The following SPAG11B variants were observed in gnomAD, a reference collection of about 807,000 sequenced individuals.
SPAG11B encodes sperm-associated antigen 11B.
SPAG11B carries 5 observed loss-of-function variants against 8.9 expected under a neutral mutation model. The observed-to-expected ratio is 0.56, with a 90% CI of 0.29 to 1.19. The LOEUF (loss-of-function observed/expected upper bound fraction) is 1.19, where lower values mean the gene tolerates loss of function less well. SPAG11B is among the 50% of genes most tolerant of loss of function. The pLI is 0.08. For missense variants in SPAG11B, 38 were observed against 146.4 expected (o/e 0.26, Z 3.82); for synonymous variants, 12 against 53.0 (o/e 0.23, Z 3.36).
rs1430820736 is a variant in SPAG11B, at chr8:7,453,036, T to G, written c.215-2136A>C. 8.2e-3 allele frequency among the ~76,000 whole-genome samples: 1,184 copies of G among 144,746 alleles called. 24 individuals are homozygous for G. The highest frequency in any genetic ancestry group is 0.031 in the African/African-American group (1,117 of 36,570). The allele number at this position is 144,746 out of a possible 152,430, so 95.0% of individuals were successfully genotyped here. ...ACCTATTTATGAAGAGCCAGGATAT[T>G]GTCTACTTTGGAGGAAGAGGACATG... On this transcript the variant is annotated intron_variant, in intron 2 of 2. Transcript: ENST00000398462.
downstream of SPAG11B, among the ~76,000 whole-genome samples, chr8:7,449,859 C>T (rs1406749469): frequency 7.2e-6 from 1 of 139,340 alleles, no homozygotes; most frequent in Non-Finnish European, 1.5e-5. Context: ...TGGTCTCTAT[C>T]TCTCAGCACG....
rs1810261984 is a variant in SPAG11B, at chr8:7,452,858, A to C, written c.215-1958T>G. 4.7e-5 allele frequency among the ~76,000 whole-genome samples: 6 copies of C among 126,808 alleles called. No individual in the cohort carries two copies. The Admixed American group carries it at 4.8e-4, about 10-fold the overall frequency. 83.2% of individuals were successfully genotyped at this position (126,808 alleles called of 152,430 possible). On this transcript the variant is annotated intron_variant, in intron 2 of 2. Coordinates refer to ENST00000398462, the MANE Select transcript of SPAG11B (RefSeq NM_058201.4). Reference sequence around the variant, plus strand: ...TGCAACCAAATAGTGTATTATGACAACAACAAAACACAATGTATTTCCACA... The same window carrying C: ...TGCAACCAAATAGTGTATTATGACACCAACAAAACACAATGTATTTCCACA...
At position 7,451,073 on chromosome 8, in the gene SPAG11B, T is replaced by C. The variant is rs1329253983; in HGVS notation, c.215-173A>G. The C allele has an allele frequency of 1.9e-5, 28 of 1,506,372 alleles. 2 individuals are homozygous for C. The highest frequency in any genetic ancestry group is 4.5e-5 in the African/African-American group (3 of 66,536). 93.3% of individuals were successfully genotyped at this position (1,506,372 alleles called of 1,614,324 possible). A position where few individuals can be genotyped will look rare whatever the true frequency, so the allele number is the denominator to read the frequency against. ...GCTTTAAAACAGGAACGATAATTTA[T>C]ATCTGAAATGTTGCCAGGAGGATGA... On this transcript the variant is annotated intron_variant, in intron 2 of 2. Transcript: ENST00000398462.
chr8:7,453,792 C>G (rs1175274555), intron 2 of SPAG11B, among the ~76,000 whole-genome samples: 1 of 148,398 alleles, frequency 6.7e-6, no homozygotes, highest in Non-Finnish European at 1.5e-5. Context: ...TTAAGCAGGA[C>G]AATGTGCCCT....
intron 2 of SPAG11B, 74 bp from the exon 3 acceptor site, chr8:7,450,974 G>A: frequency 6.5e-6 from 10 of 1,530,154 alleles, no homozygotes; most frequent in Non-Finnish European, 8.9e-6. Flanking sequence ...CCAGCCCGCT[G>A]CCAAGGGTTA....
intron 2 of SPAG11B, among the ~76,000 whole-genome samples, chr8:7,458,620 A>G (rs1214154910): frequency 5.3e-5 from 6 of 112,214 alleles, no homozygotes; most frequent in East Asian, 2.7e-4. Flanking sequence ...CAAATATAAG[A>G]CTATTTAAAA....
downstream of SPAG11B, among the ~76,000 whole-genome samples, chr8:7,450,335 G>A (rs1229618325): frequency 1.4e-5 from 2 of 147,080 alleles, no homozygotes; most frequent in African/African-American, 5.2e-5. Flanking sequence ...TACCATCTGG[G>A]TGAATAAGCA....
intron 2 of SPAG11B, among the ~76,000 whole-genome samples, chr8:7,455,459 GT>G (rs1810412682): frequency 8.2e-6 from 1 of 122,508 alleles, no homozygotes; most frequent in Non-Finnish European, 1.7e-5. Context: ...AAAACAGCAA[GT>G]GTTGGTGAGA....
rs773136459 is a variant in SPAG11B at position 7,451,131 on chromosome 8, A to C, written c.215-231T>G. ...TGTTTTATGAATGCTCACCTGGCCCATCTAGGCCCTAAAAAGTCCACACAG... is the reference window on the plus strand; with the variant it reads ...TGTTTTATGAATGCTCACCTGGCCCCTCTAGGCCCTAAAAAGTCCACACAG... On this transcript the variant is annotated intron_variant, in intron 2 of 2. Coordinates refer to ENST00000398462, the MANE Select transcript of SPAG11B (RefSeq NM_058201.4). 2 of 1,558,312 alleles carry C rather than the reference A, an allele frequency of 1.3e-6. 1 individual carries two copies. The highest frequency in any genetic ancestry group is 1.8e-6 in the Non-Finnish European group (2 of 1,141,846).
chr8:7,457,047 C>T lies in SPAG11B; in HGVS notation c.214+5660G>A, dbSNP rs1338832147. ...CTGTTTTTTATGAATCCCAGGTAGG[C>T]TCCAAAGTCTCCCTGGGTAACATGC... On this transcript the variant is annotated intron_variant, in intron 2 of 2. Coordinates refer to ENST00000398462, the MANE Select transcript of SPAG11B (RefSeq NM_058201.4). 2.1e-5 allele frequency among the ~76,000 whole-genome samples: 2 copies of T among 93,740 alleles called. 1 individual carries two copies. The highest frequency in any genetic ancestry group is 4.4e-5 in the Non-Finnish European group (2 of 45,096). 61.5% of individuals were successfully genotyped at this position (93,740 alleles called of 152,430 possible). A position where few individuals can be genotyped will look rare whatever the true frequency, so the allele number is the denominator to read the frequency against.
chr8:7,450,067 GCTGA>G (rs1205211881), downstream of SPAG11B, among the ~76,000 whole-genome samples: 1 of 124,454 alleles, frequency 8.0e-6, no homozygotes, highest in African/African-American at 3.3e-5. Flanking sequence ...AAGAATGAAT[GCTGA>G]CTGATAGGCA....
At chr8:7,452,003 C>A (rs1810217500) in intron 2 of SPAG11B, among the ~76,000 whole-genome samples, 1 of 132,924 alleles carries the variant, frequency 7.5e-6, no homozygotes, top group African/African-American at 3.1e-5. Context: ...GAAAACTTTT[C>A]TCAGACTGCA....
At chr8:7,449,450 G>T (rs1809992332), downstream of SPAG11B, among the ~76,000 whole-genome samples, 1 of 147,342 alleles carries the variant, frequency 6.8e-6, no homozygotes, top group Admixed American at 6.7e-5. Context: ...TTCACTCTGA[G>T]CCAAGGCTAA....
chr8:7,449,563 A>G (rs1285709336), downstream of SPAG11B, among the ~76,000 whole-genome samples: 2 of 149,924 alleles, frequency 1.3e-5, no homozygotes, highest in Admixed American at 1.3e-4. Context: ...CCTGTGCCTA[A>G]GAGAGACTTA....
At chr8:7,458,967 C>G (rs144435440) in intron 2 of SPAG11B, among the ~76,000 whole-genome samples, 26,552 of 65,956 alleles carry the variant, frequency 0.4, 7,104 homozygotes, top group Middle Eastern at 0.57. Context: ...GGGAGGCCGA[C>G]GCGGACAGAT....
Position 7,450,828 on chromosome 8 carries a change from T to G in SPAG11B, c.287A>C (p.His96Pro). 1.9e-6 allele frequency: 3 copies of G among 1,606,566 alleles called. No homozygotes were observed. Among genetic ancestry groups the G allele is most frequent in the Non-Finnish European group, 2.5e-6 (3 of 1,177,182 alleles). Reference protein sequence around the residue: ...QQGICRLFFCHSGEKKRDICS... With the variant: ...QQGICRLFFCPSGEKKRDICS... ...AATGTCACGCTTTTTCTCACCAGAATGGCAGAAAAAAAGTCTGCAGATCCC... is the reference window on the plus strand; with the variant it reads ...AATGTCACGCTTTTTCTCACCAGAAGGGCAGAAAAAAAGTCTGCAGATCCC... Residue 96 changes from histidine (H) to proline (P), a missense_variant, in exon 3 of 3, where the codon CAT (histidine) becomes CCT (proline). Physicochemically the swap from His to Pro is moderately conservative, Grantham distance 77. This residue lies in a region of SPAG11B where 9 missense variants were observed against 48.6 expected (regional missense o/e 0.19). Coordinates refer to ENST00000398462, the MANE Select transcript of SPAG11B (RefSeq NM_058201.4).
chr8:7,453,595 A>G lies in SPAG11B; in HGVS notation c.215-2695T>C, dbSNP rs184701157. On this transcript the variant is annotated intron_variant, in intron 2 of 2. Transcript: ENST00000398462. ...AGATTAGACACATCATATTTTCTTC[A>G]AGCTGTCTTCTGCGTTATTTAACCA... Among the ~76,000 whole-genome samples the G allele has an allele frequency of 1.3e-5, 2 of 150,104 alleles. 1 individual carries two copies. The highest frequency in any genetic ancestry group is 2.9e-5 in the Non-Finnish European group (2 of 67,820).
intron 2 of SPAG11B, among the ~76,000 whole-genome samples, chr8:7,453,996 T>C (rs1234550038): frequency 2.8e-5 from 4 of 140,850 alleles, no homozygotes; most frequent in Non-Finnish European, 6.1e-5. Context: ...TTTGTGAGGG[T>C]CCAACTCAGT....
chr8:7,451,393 A>G (rs574320792), intron 2 of SPAG11B, among the ~76,000 whole-genome samples: 1 of 129,442 alleles, frequency 7.7e-6, no homozygotes, highest in South Asian at 2.5e-4. Context: ...GTCACAAATG[A>G]CCACCTAAAT....
Sources: allele counts gnomAD v4.1 joint callset (sites outside exome capture counted in the v4.1 genomes callset), GRCh38; gene constraint gnomAD v4.1.1; regional missense constraint gnomAD v4.1.1; transcripts MANE v1.5; gene names NCBI Gene and HGNC (gene_info 2026-07-23, HGNC 2026-07-21).